EMX1: variants seen among roughly 807,000 people sequenced by gnomAD.
The protein encoded by EMX1 is empty spiracles homeobox 1.
Under a neutral mutation model 20.1 loss-of-function variants are expected in EMX1, and 10 were observed. The ratio of observed to expected loss-of-function variants is 0.50; its 90% CI spans 0.31 to 0.84. The LOEUF is 0.84. EMX1 is among the 40% of genes least tolerant of loss of function. EMX1 has a pLI of 0.05. For missense variants in EMX1, 424 were observed against 431.9 expected (o/e 0.98, Z 0.16); for synonymous variants, 250 against 200.4 (o/e 1.25, Z -2.09).
chr2:72,932,096 T>C (rs2105272033), intron 2 of EMX1, among the ~76,000 whole-genome samples: 1 of 152,356 alleles, frequency 6.6e-6, no homozygotes, highest in East Asian at 1.9e-4. Context: ...GCAGTCTTTC[T>C]GAGGCCTGCC....
At chr2:72,924,637 A>C in intron 2 of EMX1, 144 bp downstream of exon 2, 1 of 1,052,872 alleles carries the variant, frequency 9.5e-7, no homozygotes, top group South Asian at 1.7e-5. Context: ...CGCTGCGGTC[A>C]AGCCCGTCTT....
In EMX1 at chr2:72,924,289, C is replaced by T. The variant is rs750833859; in HGVS notation, c.521-20C>T. The stretch of plus-strand genomic sequence containing the variant: ...CTCTGTCTGTACCTGCGTGTGTTGC[C>T]GTCGGCGGCGGGGCCGCAGCCAGCG... On this transcript the variant is annotated intron_variant, in intron 1 of 2. Coordinates refer to ENST00000258106, the MANE Select transcript of EMX1 (RefSeq NM_004097.3). 4 of 1,556,098 alleles carry T rather than the reference C, an allele frequency of 2.6e-6. No individual in the cohort carries two copies. Among genetic ancestry groups the T allele is most frequent in the East Asian group, 2.3e-5 (1 of 43,122 alleles).
chr2:72,918,539 G>T (rs1013897176), intron 1 of EMX1, among the ~76,000 whole-genome samples, 167 bp downstream of exon 1: 1 of 152,252 alleles, frequency 6.6e-6, no homozygotes, highest in African/African-American at 2.4e-5. Flanking sequence ...GCATCCACCC[G>T]CGCCTTCGCC....
At chr2:72,916,550 G>A (rs1670965235), upstream of EMX1, 5 of 612,470 alleles carry the variant, frequency 8.2e-6, no homozygotes, top group South Asian at 3.8e-5. Flanking sequence ...ACTGCCCCCG[G>A]GGAATTCGTC....
In EMX1 at chr2:72,918,138, G is replaced by A. The variant is rs958110507; in HGVS notation, c.286G>A (p.Val96Met). 3 of 1,496,554 alleles carry A rather than the reference G, an allele frequency of 2.0e-6. No homozygotes were observed. Among genetic ancestry groups the A allele is most frequent in the Non-Finnish European group, 2.6e-6 (3 of 1,135,560 alleles). 92.7% of individuals were successfully genotyped at this position (1,496,554 alleles called of 1,614,324 possible). A position where few individuals can be genotyped will look rare whatever the true frequency, so the allele number is the denominator to read the frequency against. ...CCCCAGCGCGGCCGAGGCGGCCTTC[G>A]TGAGTGGCTTCCCTGCCGCGGCCGC... The part of the protein sequence containing the change: ...PHPSAAEAAF[V>M]SGFPAAAAAG... Residue 96 changes from valine (V) to methionine (M), a missense_variant, in exon 1 of 3, where the codon GTG (valine) becomes ATG (methionine). Transcript: ENST00000258106.
chr2:72,921,895 C>T (rs930799502), intron 1 of EMX1, among the ~76,000 whole-genome samples: 3 of 152,224 alleles, frequency 2.0e-5, no homozygotes, highest in Admixed American at 6.5e-5. Flanking sequence ...TTCATCCTCT[C>T]ATCTGGGTTT....
intron 1 of EMX1, 156 bp from the exon 2 acceptor site, chr2:72,924,153 C>A: frequency 3.2e-6 from 3 of 945,802 alleles, no homozygotes; most frequent in African/African-American, 1.6e-5. Context: ...GGCAAAAGGG[C>A]AAAGGGAGAA....
upstream of EMX1, chr2:72,916,538 G>A (rs1404528062): frequency 1.6e-6 from 1 of 608,596 alleles, no homozygotes; most frequent in Non-Finnish European, 2.9e-6. Context: ...CCTGTCGTGA[G>A]AACTGCCCCC....
intron 1 of EMX1, among the ~76,000 whole-genome samples, chr2:72,920,808 G>A (rs1671089200): frequency 6.6e-6 from 1 of 152,244 alleles, no homozygotes; most frequent in Non-Finnish European, 1.5e-5. Flanking sequence ...AAGGGGAGGA[G>A]CCGACGAAGA....
chr2:72,916,449 C>T (rs959068950), upstream of EMX1: 11 of 564,312 alleles, frequency 1.9e-5, no homozygotes, highest in African/African-American at 1.5e-4. Context: ...CCGCCCGCGC[C>T]CTCCTAGGCC....
intron 2 of EMX1, chr2:72,926,043 G>T (rs1671194813): frequency 1.0e-6 from 1 of 985,014 alleles, no homozygotes; most frequent in Non-Finnish European, 1.2e-6. Flanking sequence ...TTGAAACAAG[G>T]TGTCAGTTTA....
At chr2:72,928,682 C>T (rs535725076) in intron 2 of EMX1, among the ~76,000 whole-genome samples, 4 of 152,284 alleles carry the variant, frequency 2.6e-5, no homozygotes, top group South Asian at 4.1e-4. Context: ...GGTACAGAAA[C>T]GTGGCCTGTG....
At chr2:72,921,008 G>A (rs961743972) in intron 1 of EMX1, among the ~76,000 whole-genome samples, 32 of 152,296 alleles carry the variant, frequency 2.1e-4, no homozygotes, top group African/African-American at 6.7e-4. Context: ...CGCCTGTCCT[G>A]CCTCTCCCTC....
chr2:72,918,577 G>C (rs972906735), intron 1 of EMX1, among the ~76,000 whole-genome samples: 2 of 152,274 alleles, frequency 1.3e-5, no homozygotes, highest in African/African-American at 4.8e-5. Context: ...AGGAAAGCAG[G>C]TGGAGACCTC....
At position 72,924,430 on chromosome 2, in the gene EMX1, C is replaced by T. The variant is rs1671158839; in HGVS notation, c.642C>T (p.Asn214=). The change falls in exon 2 of 3, where the codon AAC becomes AAT. Residue 214 remains asparagine (N), a synonymous_variant. Transcript: ENST00000258106. ...GGCTGGAGCGCGCCTTCGAGAAGAACCACTACGTGGTGGGCGCCGAGCGGA... is the reference window on the plus strand; with the variant it reads ...GGCTGGAGCGCGCCTTCGAGAAGAATCACTACGTGGTGGGCGCCGAGCGGA... ...LLRLERAFEK[N]HYVVGAERKQ... 1.3e-6 allele frequency: 2 copies of T among 1,597,468 alleles called. No homozygotes were observed. The highest frequency in any genetic ancestry group is 1.1e-5 in the South Asian group (1 of 89,184).
upstream of EMX1, chr2:72,916,584 AGCAGAGTCGTC>A (rs1193990529): frequency 5.1e-5 from 33 of 648,186 alleles, no homozygotes; most frequent in Non-Finnish European, 8.1e-5. Flanking sequence ...AACTGGCCGG[AGCAGAGTCGTC>A]CGCGGTTCCG....
intron 1 of EMX1, among the ~76,000 whole-genome samples, chr2:72,921,778 C>T (rs1300670790): frequency 6.6e-6 from 1 of 152,156 alleles, no homozygotes; most frequent in African/African-American, 2.4e-5. Flanking sequence ...TGACAATGAC[C>T]TGGGGCCATT....
chr2:72,926,827 C>T (rs1010510126), intron 2 of EMX1, among the ~76,000 whole-genome samples: 19 of 152,124 alleles, frequency 1.2e-4, no homozygotes, highest in Non-Finnish European at 1.9e-4. Context: ...ATGCAGTTTC[C>T]GTCATCAACA....
chr2:72,917,199 G>A (rs1573892997), upstream of EMX1: 5 of 604,108 alleles, frequency 8.3e-6, no homozygotes, highest in East Asian at 5.5e-5. Context: ...CGGGACGAAT[G>A]GGAGAGTTAG....
Sources: allele counts gnomAD v4.1 joint callset (sites outside exome capture counted in the v4.1 genomes callset), GRCh38; gene constraint gnomAD v4.1.1; transcripts MANE v1.5; gene names NCBI Gene and HGNC (gene_info 2026-07-23, HGNC 2026-07-21).